Variants in TCF12 observed in about 807,000 individuals in gnomAD.
TCF12 encodes the protein transcription factor 12.
TCF12 carries 45 observed loss-of-function variants against 86.0 expected under a neutral mutation model. The observed-to-expected ratio is 0.52, with a 90% CI of 0.41 to 0.67. TCF12 has a LOEUF of 0.67. Among genes scored for constraint, TCF12 ranks in the 30% least tolerant of loss-of-function variants. TCF12 has a pLI of 0.00. For synonymous variants in TCF12, 330 were observed against 299.6 expected, an observed-to-expected ratio of 1.10 and a Z score of -1.05; for missense variants, 881 against 859.9, an observed-to-expected ratio of 1.02 and a Z score of -0.31.
At chr15:57,281,459 A>G (rs2061683293) in intron 19 of TCF12, among the ~76,000 whole-genome samples, 1 of 152,018 alleles carries the variant, frequency 6.6e-6, no homozygotes, top group South Asian at 2.1e-4. Flanking sequence ...GGGGTCCCCA[A>G]CCCCTGGGCC....
At chr15:57,008,034 C>T (rs1407084210) in intron 3 of TCF12, among the ~76,000 whole-genome samples, 1 of 151,346 alleles carries the variant, frequency 6.6e-6, no homozygotes, top group Non-Finnish European at 1.5e-5. Flanking sequence ...GATCATAGCT[C>T]ACTGCAATCT....
In TCF12 at chr15:57,263,391, A is replaced by G. The variant is rs1467536841; in HGVS notation, c.1745+117A>G. On this transcript the variant is annotated intron_variant, in intron 18 of 20. Transcript: ENST00000333725. ...GCTATGTTCTAGATATTGTGTTAGG[A>G]TTTTTGTGTATGTTGTCTCATTTAA... 1.7e-5 allele frequency: 18 copies of G among 1,048,558 alleles called. No homozygotes were observed. The East Asian group carries it at 4.3e-4, about 25-fold the overall frequency. The allele number at this position is 1,048,558 out of a possible 1,614,324, so 65.0% of individuals were successfully genotyped here. A position where few individuals can be genotyped will look rare whatever the true frequency, so the allele number is the denominator to read the frequency against.
Position 56,953,530 on chromosome 15 carries a change from C to T in TCF12, c.148+32432C>T, listed in dbSNP as rs1324734505. The stretch of plus-strand genomic sequence containing the variant: ...AAATCTACAACTGTTTGGTAGAATT[C>T]ACCAATGAAACCAACTAGGTGTAGA... On this transcript the variant is annotated intron_variant, in intron 3 of 20. Coordinates refer to ENST00000333725, the MANE Select transcript of TCF12 (RefSeq NM_207037.2). Among the ~76,000 whole-genome samples, 3 of 152,016 alleles carry T rather than the reference C, an allele frequency of 2.0e-5. No homozygotes were observed. In the East Asian group the frequency reaches 5.8e-4, roughly 29 times the overall value.
At chr15:57,258,522 T>C (rs140295403) in intron 16 of TCF12, among the ~76,000 whole-genome samples, 224 of 152,320 alleles carry the variant, frequency 1.5e-3, no homozygotes, top group East Asian at 3.1e-3. Flanking sequence ...TAATGGAAGC[T>C]TGATGCAGAT....
At chr15:57,114,471 A>T (rs1465043588) in intron 5 of TCF12, among the ~76,000 whole-genome samples, 1 of 151,680 alleles carries the variant, frequency 6.6e-6, no homozygotes, top group African/African-American at 2.4e-5. Flanking sequence ...TTTTATTTTT[A>T]TTTTTTTGTG....
chr15:56,942,447 C>T (rs1245813079), intron 3 of TCF12, among the ~76,000 whole-genome samples: 1 of 152,182 alleles, frequency 6.6e-6, no homozygotes, highest in Non-Finnish European at 1.5e-5. Flanking sequence ...AAATAATCTT[C>T]AGGCTGGGTT....
chr15:57,180,414 G>A (rs2056252916), intron 6 of TCF12, among the ~76,000 whole-genome samples: 1 of 152,072 alleles, frequency 6.6e-6, no homozygotes, highest in South Asian at 2.1e-4. Flanking sequence ...GAACAATTTT[G>A]TTTCTTGATC....
intron 5 of TCF12, among the ~76,000 whole-genome samples, chr15:57,123,730 T>A (rs2051405260): frequency 1.3e-5 from 2 of 151,688 alleles, no homozygotes; most frequent in South Asian, 2.1e-4. Flanking sequence ...GGCGGGTGGA[T>A]CACGAGGTCA....
At chr15:57,156,596 C>G (rs1243272638) in intron 5 of TCF12, among the ~76,000 whole-genome samples, 1 of 152,196 alleles carries the variant, frequency 6.6e-6, no homozygotes, top group Non-Finnish European at 1.5e-5. Flanking sequence ...GAGCACAGTT[C>G]TCTTAAGCTG....
At chr15:57,099,655 A>T (rs2049586411) in intron 5 of TCF12, among the ~76,000 whole-genome samples, 2 of 152,080 alleles carry the variant, frequency 1.3e-5, no homozygotes, top group African/African-American at 4.8e-5. Context: ...ACTATTTCTA[A>T]CTCAGGTCGT....
At chr15:57,232,962 A>G (rs1307666855) in intron 11 of TCF12, 106 bp downstream of exon 11, 2 of 673,858 alleles carry the variant, frequency 3.0e-6, no homozygotes, top group Admixed American at 5.0e-5. Context: ...AATGTTATAT[A>G]TATGTATATA....
At chr15:57,275,327 GGTGTGT>G (rs1171707504) in intron 19 of TCF12, among the ~76,000 whole-genome samples, 2 of 64,054 alleles carry the variant, frequency 3.1e-5, no homozygotes, top group Non-Finnish European at 2.9e-5. Flanking sequence ...GTAAGGTAGG[GGTGTGT>G]GTGTGTGTGT....
At chr15:57,095,720 G>C (rs145623452) in intron 5 of TCF12, among the ~76,000 whole-genome samples, 2 of 152,118 alleles carry the variant, frequency 1.3e-5, no homozygotes, top group Non-Finnish European at 2.9e-5. Context: ...GGAAATTGCA[G>C]GGCTGAGAGT....
chr15:57,151,647 C>G (rs1182285044), intron 5 of TCF12, among the ~76,000 whole-genome samples: 1 of 152,012 alleles, frequency 6.6e-6, no homozygotes, highest in Non-Finnish European at 1.5e-5. Context: ...TGCATGTAGT[C>G]CCAGCTCCTT....
intron 5 of TCF12, among the ~76,000 whole-genome samples, chr15:57,124,857 A>G (rs531805727): frequency 1.5e-5 from 2 of 133,774 alleles, no homozygotes; most frequent in Non-Finnish European, 3.2e-5. Flanking sequence ...TTTTTTTTGT[A>G]TTTTTAGTAG....
intron 12 of TCF12, among the ~76,000 whole-genome samples, chr15:57,235,930 T>A (rs1421870755): frequency 1.1e-4 from 16 of 152,148 alleles, no homozygotes; most frequent in African/African-American, 3.6e-4. Flanking sequence ...TCTTCCCCTG[T>A]TATAAACAGC....
rs1164852059 is a variant in TCF12, at chr15:57,232,309, C to T, written c.704C>T (p.Ser235Phe). 1 of 1,613,992 alleles carries T rather than the reference C, an allele frequency of 6.2e-7. No homozygotes were observed. Among genetic ancestry groups the T allele is most frequent in the East Asian group, 2.2e-5 (1 of 44,874 alleles). ...FFMQDGTHNS[S>F]DLWSSSNGMS... ...GTCTTAGATGGGACCCACAATTCTT[C>T]TGACCTTTGGAGTTCATCAAATGGG... Residue 235 changes from serine (S) to phenylalanine (F), a missense_variant, in exon 10 of 21, where the codon TCT (serine) becomes TTT (phenylalanine). Physicochemically the swap from Ser to Phe is radical, Grantham distance 155 (BLOSUM62 -2). Transcript: ENST00000333725.
At chr15:57,019,049 G>T (rs1365556339) in intron 3 of TCF12, among the ~76,000 whole-genome samples, 3 of 152,098 alleles carry the variant, frequency 2.0e-5, no homozygotes, top group Admixed American at 1.3e-4. Context: ...TTTGGAATTT[G>T]GTAGCTGTTA....
At chr15:57,075,409 A>G (rs980186412) in intron 4 of TCF12, among the ~76,000 whole-genome samples, 2 of 152,066 alleles carry the variant, frequency 1.3e-5, no homozygotes, top group Admixed American at 6.6e-5. Context: ...CCTTTCATTC[A>G]TGAAGCTTTT....
Sources: gnomAD v4.1 joint callset for allele counts (sites outside exome capture counted in the v4.1 genomes callset) on GRCh38, gnomAD v4.1.1 for gene constraint, MANE v1.5 for transcripts, NCBI Gene and HGNC (gene_info 2026-07-23, HGNC 2026-07-21) for gene names.